Variants in DYNC2I2 observed in about 807,000 individuals in gnomAD.
The protein encoded by DYNC2I2 is dynein 2 intermediate chain 2, also known as cytoplasmic dynein 2 intermediate chain 2.
DYNC2I2 carries 39 observed loss-of-function variants against 52.0 expected under a neutral mutation model. The ratio of observed to expected loss-of-function variants is 0.75; its 90% CI spans 0.58 to 0.98. The LOEUF (loss-of-function observed/expected upper bound fraction) is 0.98. Ranked by LOEUF, DYNC2I2 falls within the 50% of genes least tolerant of loss-of-function variation. The pLI is 0.00. For missense variants in DYNC2I2, 743 were observed against 728.4 expected (o/e 1.02, Z -0.23); for synonymous variants, 359 against 321.1 (o/e 1.12, Z -1.26).
chr9:128,633,801 T>C lies in DYNC2I2; in HGVS notation c.1554A>G (p.Glu518=). 1 of 1,613,580 alleles carries C rather than the reference T, an allele frequency of 6.2e-7. No homozygotes were observed. Among genetic ancestry groups the C allele is most frequent in the Non-Finnish European group, 8.5e-7 (1 of 1,180,028 alleles). The change falls in exon 9 of 9, where the codon GAA becomes GAG. Residue 518 remains glutamate (E), a synonymous_variant. Transcript: ENST00000372715. ...KVWQLSTEFT[E]QGPREAEDLD... ...GGTCCTCAGCTTCCCGGGGCCCTTGTTCCGTGAACTCTGTGCTCAGCTGCC... is the reference window on the plus strand; with the variant it reads ...GGTCCTCAGCTTCCCGGGGCCCTTGCTCCGTGAACTCTGTGCTCAGCTGCC...
the DYNC2I2 span, among the ~76,000 whole-genome samples, chr9:128,668,085 C>T: frequency 6.6e-6 from 1 of 151,382 alleles, no homozygotes; most frequent in African/African-American, 2.4e-5. Flanking sequence ...CTCAGCCTCC[C>T]GAGTAGCTGG....
chr9:128,670,863 A>G, the DYNC2I2 span, among the ~76,000 whole-genome samples: 3 of 151,794 alleles, frequency 2.0e-5, no homozygotes, highest in Non-Finnish European at 4.4e-5. Flanking sequence ...CAGGAGTTGG[A>G]GACCAGCCAG....
chr9:128,646,562 AAAG>A (rs1860621288), intron 1 of DYNC2I2, among the ~76,000 whole-genome samples: 1 of 152,216 alleles, frequency 6.6e-6, no homozygotes, highest in African/African-American at 2.4e-5. Context: ...TGTGAACTAG[AAAG>A]AAGTCAATGC....
chr9:128,666,292 G>C, the DYNC2I2 span, among the ~76,000 whole-genome samples: 1 of 148,168 alleles, frequency 6.7e-6, no homozygotes, highest in Non-Finnish European at 1.5e-5. Flanking sequence ...TGAGGCATGA[G>C]AATTGCTTGA....
At chr9:128,663,187 A>G in the DYNC2I2 span, 2 of 151,982 alleles carry the variant, frequency 1.3e-5, no homozygotes, top group Non-Finnish European at 2.9e-5. Context: ...CATTCTAGTA[A>G]CTACAAATAG....
intron 1 of DYNC2I2, among the ~76,000 whole-genome samples, chr9:128,644,275 CTTTT>C (rs10660438): frequency 1.4e-5 from 2 of 146,862 alleles, no homozygotes; most frequent in African/African-American, 5.1e-5. Context: ...CCCAGGCGGC[CTTTT>C]TTTTTTTTTG....
chr9:128,664,303 G>A, the DYNC2I2 span, among the ~76,000 whole-genome samples: 1 of 151,616 alleles, frequency 6.6e-6, no homozygotes, highest in African/African-American at 2.4e-5. Flanking sequence ...CCACGTCCTT[G>A]ATGTCTCTGT....
the DYNC2I2 span, among the ~76,000 whole-genome samples, chr9:128,665,201 C>T: frequency 2.0e-5 from 3 of 151,524 alleles, no homozygotes; most frequent in East Asian, 2.0e-4. Flanking sequence ...TACAGGCGCC[C>T]GCCACCACGA....
At chr9:128,682,928 A>G in the DYNC2I2 span, among the ~76,000 whole-genome samples, 12 of 150,800 alleles carry the variant, frequency 8.0e-5, no homozygotes, top group African/African-American at 2.7e-4. Context: ...CGCCTGCCTC[A>G]GCCTCCCAAA....
chr9:128,682,571 G>A, the DYNC2I2 span, among the ~76,000 whole-genome samples: 1 of 151,982 alleles, frequency 6.6e-6, no homozygotes, highest in African/African-American at 2.4e-5. Flanking sequence ...CAGCTACTCA[G>A]GAGGCTGAGG....
rs776213553 is a variant in DYNC2I2 at position 128,633,790 on chromosome 9, C to CG, written c.1564dup (p.Arg522ProfsTer4). 1.9e-6 allele frequency: 3 copies of CG among 1,613,598 alleles called. No homozygotes were observed. The highest frequency in any genetic ancestry group is 2.5e-6 in the Non-Finnish European group (3 of 1,180,042). The stretch of plus-strand genomic sequence containing the variant: ...CAGGCAGTCCAGGTCCTCAGCTTCC[C>CG]GGGGCCCTTGTTCCGTGAACTCTGT... On this transcript the variant is annotated frameshift_variant, in exon 9 of 9. Transcript: ENST00000372715. LOFTEE classifies it high-confidence loss of function.
intron 1 of DYNC2I2, among the ~76,000 whole-genome samples, chr9:128,648,470 A>C (rs371262312): frequency 4.0e-5 from 6 of 151,714 alleles, no homozygotes; most frequent in African/African-American, 9.7e-5. Flanking sequence ...GGCCCGACCA[A>C]GCCAGGCCCC....
chr9:128,645,616 C>CAAAAA (rs59742854), intron 1 of DYNC2I2, among the ~76,000 whole-genome samples: 1 of 63,924 alleles, frequency 1.6e-5, no homozygotes, highest in African/African-American at 6.0e-5. Flanking sequence ...GACTCCATCT[C>CAAAAA]AAAAAAAAAA....
chr9:128,640,032 G>C (rs576461391), intron 2 of DYNC2I2, among the ~76,000 whole-genome samples: 2 of 3,358 alleles, frequency 6.0e-4, no homozygotes, highest in South Asian at 0.014. Flanking sequence ...TTTTGAGACA[G>C]AGTCTCGCTC....
At chr9:128,675,342 C>T in the DYNC2I2 span, among the ~76,000 whole-genome samples, 1 of 151,892 alleles carries the variant, frequency 6.6e-6, no homozygotes, top group Non-Finnish European at 1.5e-5. Context: ...CATGCCCAGC[C>T]AATTTTGTAT....
the DYNC2I2 span, chr9:128,683,322 C>A: frequency 2.3e-5 from 3 of 128,302 alleles, no homozygotes; most frequent in East Asian, 1.2e-4. Flanking sequence ...CTTTGTAATT[C>A]TTGATTGGGA....
intron 1 of DYNC2I2, among the ~76,000 whole-genome samples, chr9:128,655,905 TC>T (rs1471270586): frequency 1.0e-5 from 1 of 97,464 alleles, no homozygotes; most frequent in African/African-American, 4.2e-5. Context: ...AGCGAGACTG[TC>T]TCAAAAAAAA....
chr9:128,646,214 TTTTTTG>T (rs1860615803), intron 1 of DYNC2I2, among the ~76,000 whole-genome samples: 1 of 152,180 alleles, frequency 6.6e-6, no homozygotes. Context: ...TTGTTGTTGT[TTTTTTG>T]TTTTTGTTGT....
At chr9:128,684,086 C>T in the DYNC2I2 span, 1 of 1,176,582 alleles carries the variant, frequency 8.5e-7, no homozygotes, top group Non-Finnish European at 1.2e-6. Context: ...CCCCCAATCC[C>T]TCTTGAGATG....
Sources: gnomAD v4.1 joint callset for allele counts (sites outside exome capture counted in the v4.1 genomes callset) on GRCh38, gnomAD v4.1.1 for gene constraint, MANE v1.5 for transcripts, NCBI Gene and HGNC (gene_info 2026-07-23, HGNC 2026-07-21) for gene names.